ZNF804B: variants seen among roughly 807,000 people sequenced by gnomAD.
ZNF804B encodes zinc finger 804B.
In ZNF804B, 80 loss-of-function variants were observed where a neutral mutation model predicts 101.4. That is an observed-to-expected ratio of 0.79 (90% CI 0.66 to 0.95). The LOEUF (loss-of-function observed/expected upper bound fraction) is 0.95, where lower values mean the gene tolerates loss of function less well. Ranked by LOEUF, ZNF804B falls within the 40% of genes least tolerant of loss-of-function variation. The pLI is 0.00. For missense variants in ZNF804B, 1,673 were observed against 1,561.9 expected (o/e 1.07, Z -1.20); for synonymous variants, 622 against 558.8 (o/e 1.11, Z -1.59).
intron 1 of ZNF804B, among the ~76,000 whole-genome samples, chr7:88,797,707 G>C (rs188219644): frequency 6.6e-6 from 1 of 152,208 alleles, no homozygotes; most frequent in Non-Finnish European, 1.5e-5. Flanking sequence ...TCATGAAACT[G>C]TTCCTTACTG....
chr7:89,307,847 A>G (rs753446681), intron 2 of ZNF804B, among the ~76,000 whole-genome samples: 3 of 152,076 alleles, frequency 2.0e-5, no homozygotes, highest in Non-Finnish European at 4.4e-5. Context: ...TTAGGAACAC[A>G]GATAACTCAA....
rs559728170 is a variant in ZNF804B at position 89,147,530 on chromosome 7, A to C, written c.109-70625A>C. On this transcript the variant is annotated intron_variant, in intron 1 of 3. Transcript: ENST00000333190. ...GCAATTATTACATTATTTCACATAC[A>C]CAGAACAAGAAAAAATGTAGAGTAT... Among the ~76,000 whole-genome samples the C allele has an allele frequency of 3.3e-5, 5 of 152,248 alleles. No individual in the cohort carries two copies. The East Asian group carries it at 7.7e-4, about 24-fold the overall frequency.
At chr7:89,058,179 CA>C (rs1789325521) in intron 1 of ZNF804B, among the ~76,000 whole-genome samples, 1 of 152,004 alleles carries the variant, frequency 6.6e-6, no homozygotes, top group Non-Finnish European at 1.5e-5. Context: ...ATTAGGAAAG[CA>C]ACCTTTATGT....
chr7:88,817,806 T>A (rs1030106760), intron 1 of ZNF804B, among the ~76,000 whole-genome samples: 1 of 152,224 alleles, frequency 6.6e-6, no homozygotes, highest in Non-Finnish European at 1.5e-5. Context: ...GCATTTATCC[T>A]GTATCTTACA....
At chr7:88,809,278 T>A (rs911983906) in intron 1 of ZNF804B, among the ~76,000 whole-genome samples, 3 of 152,160 alleles carry the variant, frequency 2.0e-5, no homozygotes, top group African/African-American at 7.2e-5. Flanking sequence ...ATTTTATGTA[T>A]GTATACAGAA....
intron 1 of ZNF804B, among the ~76,000 whole-genome samples, chr7:88,764,834 G>GC (rs1284802732): frequency 6.6e-6 from 1 of 152,078 alleles, no homozygotes; most frequent in Non-Finnish European, 1.5e-5. Context: ...GAAGTCACCT[G>GC]CATCCTCTTC....
intron 2 of ZNF804B, among the ~76,000 whole-genome samples, chr7:89,253,101 C>A (rs1273343137): frequency 1.3e-5 from 2 of 152,032 alleles, no homozygotes; most frequent in Non-Finnish European, 2.9e-5. Flanking sequence ...TATGAAAATG[C>A]TGCTTTTCAA....
At chr7:88,946,616 T>C (rs1004151821) in intron 1 of ZNF804B, among the ~76,000 whole-genome samples, 2 of 150,994 alleles carry the variant, frequency 1.3e-5, no homozygotes, top group African/African-American at 2.4e-5. Flanking sequence ...GCTGGCCTCA[T>C]AAAATGAGTT....
intron 1 of ZNF804B, among the ~76,000 whole-genome samples, chr7:88,847,842 G>T (rs936490656): frequency 6.6e-6 from 1 of 152,036 alleles, no homozygotes; most frequent in African/African-American, 2.4e-5. Flanking sequence ...TTCAGTAGTT[G>T]CTTTGGTTCT....
chr7:88,814,789 T>G (rs1790850813), intron 1 of ZNF804B, among the ~76,000 whole-genome samples: 1 of 152,082 alleles, frequency 6.6e-6, no homozygotes, highest in Non-Finnish European at 1.5e-5. Context: ...CAATAAAAGT[T>G]TCTTCCTTCT....
intron 2 of ZNF804B, among the ~76,000 whole-genome samples, chr7:89,304,071 T>C (rs759567320): frequency 5.3e-5 from 8 of 151,954 alleles, no homozygotes; most frequent in Non-Finnish European, 1.0e-4. Context: ...ATGAAAACTT[T>C]TAATTATAAA....
intron 1 of ZNF804B, among the ~76,000 whole-genome samples, chr7:88,770,334 T>G (rs1790043981): frequency 1.3e-5 from 2 of 152,146 alleles, no homozygotes; most frequent in Admixed American, 6.5e-5. Flanking sequence ...GAGGCATGAA[T>G]GTCAGAGAGA....
chr7:89,253,667 A>T (rs2115793938), intron 2 of ZNF804B, among the ~76,000 whole-genome samples: 1 of 152,228 alleles, frequency 6.6e-6, no homozygotes, highest in East Asian at 1.9e-4. Flanking sequence ...ATTACACAAA[A>T]TTCTGCAGAC....
intron 2 of ZNF804B, among the ~76,000 whole-genome samples, chr7:89,221,429 T>C (rs1789002106): frequency 6.6e-6 from 1 of 151,668 alleles, no homozygotes; most frequent in Admixed American, 6.6e-5. Context: ...TATAAATGGA[T>C]GTTAAAATAG....
At position 89,171,359 on chromosome 7, in the gene ZNF804B, C is replaced by CTTCTTCTTCTTCTTCT. The variant is rs1562904583; in HGVS notation, c.109-46795_109-46794insTCTTCTTCTTCTTCTT. On this transcript the variant is annotated intron_variant, in intron 1 of 3. Coordinates refer to ENST00000333190, the MANE Select transcript of ZNF804B (RefSeq NM_181646.5). ...CTTCTTCTTCTTCTTCTTCTTCTTC[C>CTTCTTCTTCTTCTTCT]TCCTCTTCCTCTTCTTCCTCTTCTT... 1.3e-4 allele frequency among the ~76,000 whole-genome samples: 9 copies of CTTCTTCTTCTTCTTCT among 66,920 alleles called. 1 individual carries two copies. Among genetic ancestry groups the CTTCTTCTTCTTCTTCT allele is most frequent in the Non-Finnish European group, 1.9e-4 (6 of 30,920 alleles). The allele number at this position is 66,920 out of a possible 152,430, so 43.9% of individuals were successfully genotyped here.
intron 2 of ZNF804B, among the ~76,000 whole-genome samples, chr7:89,221,470 T>TG (rs34087199): frequency 0.24 from 36,208 of 151,680 alleles, 4,563 homozygotes; most frequent in Non-Finnish European, 0.27. Flanking sequence ...TTCTTGTCAG[T>TG]GGGAATAGAA....
At chr7:88,766,850 A>G (rs1789992078) in intron 1 of ZNF804B, among the ~76,000 whole-genome samples, 1 of 152,214 alleles carries the variant, frequency 6.6e-6, no homozygotes, top group South Asian at 2.1e-4. Flanking sequence ...TGATTCATAG[A>G]GATTATTCAG....
At chr7:89,083,766 G>C (rs1248469106) in intron 1 of ZNF804B, among the ~76,000 whole-genome samples, 2 of 151,506 alleles carry the variant, frequency 1.3e-5, no homozygotes, top group Non-Finnish European at 3.0e-5. Flanking sequence ...TATAACCTAT[G>C]GATTAAGTTT....
chr7:88,782,100 TGC>T (rs377505016), intron 1 of ZNF804B, among the ~76,000 whole-genome samples: 2,140 of 126,688 alleles, frequency 0.017, 33 homozygotes, highest in African/African-American at 0.052. Flanking sequence ...TTTGTGTGAG[TGC>T]GTGTGTGTGT....
Sources: gnomAD v4.1 joint callset for allele counts (sites outside exome capture counted in the v4.1 genomes callset) on GRCh38, gnomAD v4.1.1 for gene constraint, MANE v1.5 for transcripts, NCBI Gene and HGNC (gene_info 2026-07-23, HGNC 2026-07-21) for gene names.